Variants in PMPCB observed in about 807,000 individuals in gnomAD.
PMPCB encodes the protein mitochondrial-processing peptidase subunit beta.
A neutral mutation model predicts 61.5 loss-of-function variants in PMPCB; 46 were observed. The observed-to-expected ratio is 0.75, with a 90% confidence interval of 0.59 to 0.96. The LOEUF (loss-of-function observed/expected upper bound fraction) is 0.96, where lower values mean the gene tolerates loss of function less well. Among genes scored for constraint, PMPCB ranks in the 40% least tolerant of loss-of-function variants. PMPCB has a pLI of 0.00. For missense variants in PMPCB, 590 were observed against 602.4 expected (o/e 0.98, Z 0.22); for synonymous variants, 191 against 201.6 (o/e 0.95, Z 0.44).
the PMPCB span, chr7:103,341,625 ACTTAGTAATAAACAGATG>A: frequency 1.5e-6 from 1 of 653,536 alleles, no homozygotes; most frequent in Admixed American, 3.5e-5. Context: ...TGCTCTCAAG[ACTTAGTAATAAACAGATG>A]CTAAATCATA....
chr7:103,321,466 C>A (rs1818407744), intron 12 of PMPCB, among the ~76,000 whole-genome samples: 1 of 150,996 alleles, frequency 6.6e-6, no homozygotes, highest in South Asian at 2.1e-4. Context: ...TGCAGTGAGC[C>A]AAAATCGTGC....
chr7:103,326,721 T>C, intron 12 of PMPCB: 3 of 1,555,374 alleles, frequency 1.9e-6, no homozygotes, highest in Non-Finnish European at 2.6e-6. Flanking sequence ...TCACCATAAC[T>C]TTACCTATTT....
the PMPCB span, chr7:103,336,956 T>C: frequency 1.3e-5 from 2 of 152,394 alleles, no homozygotes; most frequent in African/African-American, 4.8e-5. Flanking sequence ...CCTCCACATA[T>C]AATACTTCCT....
At chr7:103,326,771 A>G in intron 12 of PMPCB, 3 of 1,311,944 alleles carry the variant, frequency 2.3e-6, no homozygotes, top group Non-Finnish European at 3.1e-6. Flanking sequence ...CTTAAAACAT[A>G]GAAGTCATTA....
At chr7:103,316,642 G>A (rs911024381), downstream of PMPCB, 1 of 594,416 alleles carries the variant, frequency 1.7e-6, no homozygotes, top group Non-Finnish European at 3.0e-6. Context: ...ATGTATATGT[G>A]CATGTGTACT....
At chr7:103,297,653 C>T in intron 1 of PMPCB, 95 bp downstream of exon 1, 2 of 1,565,082 alleles carry the variant, frequency 1.3e-6, no homozygotes, top group Admixed American at 1.9e-5. Context: ...AACAGTGGGT[C>T]GGGCAGGGCC....
chr7:103,316,004 C>G, downstream of PMPCB: 1 of 1,597,398 alleles, frequency 6.3e-7, no homozygotes, highest in East Asian at 2.2e-5. Flanking sequence ...TTTGGAGACT[C>G]TTTGCTTTGC....
intron 1 of PMPCB, 81 bp from the exon 2 acceptor site, chr7:103,298,487 G>C (rs954365793): frequency 6.7e-6 from 9 of 1,345,282 alleles, no homozygotes; most frequent in Non-Finnish European, 9.3e-6. Context: ...ATTTAAAATA[G>C]ATTTGGTTTT....
In PMPCB at chr7:103,314,513, G is replaced by A. The variant is rs1817936665; in HGVS notation, c.*2242G>A. On this transcript the variant is annotated 3_prime_UTR_variant, in exon 13 of 13. Transcript: ENST00000249269. Reference sequence around the variant, plus strand: ...ATCAGGGCCCACCTCCCTCCAACATGGAAACAAGTCCCCCTAAGAAAGAGC... The same window carrying A: ...ATCAGGGCCCACCTCCCTCCAACATAGAAACAAGTCCCCCTAAGAAAGAGC... The A allele has an allele frequency of 1.0e-6, 1 of 985,190 alleles. No homozygotes were observed. Among genetic ancestry groups the A allele is most frequent in the Non-Finnish European group, 1.2e-6 (1 of 829,910 alleles). The allele number at this position is 985,190 out of a possible 1,614,324, so 61.0% of individuals were successfully genotyped here. A position where few individuals can be genotyped will look rare whatever the true frequency, so the allele number is the denominator to read the frequency against.
chr7:103,300,317 T>C lies in PMPCB; in HGVS notation c.457+10T>C, dbSNP rs765353278. The C allele has an allele frequency of 2.5e-6, 4 of 1,581,628 alleles. No homozygotes were observed. Among genetic ancestry groups the C allele is most frequent in the Admixed American group, 1.8e-5 (1 of 54,852 alleles). On this transcript the variant is annotated intron_variant, in intron 4 of 12. Transcript: ENST00000249269. ...AAAGACTTGCCAAGAGGTACTGTTATTATTTATACAGCAGATAATGTAATT... is the reference window on the plus strand; with the variant it reads ...AAAGACTTGCCAAGAGGTACTGTTACTATTTATACAGCAGATAATGTAATT...
intron 7 of PMPCB, 133 bp downstream of exon 7, chr7:103,307,841 A>C: frequency 1.7e-6 from 1 of 594,508 alleles, no homozygotes; most frequent in South Asian, 2.1e-5. Flanking sequence ...GGATGTACTC[A>C]TTTGCTTACA....
At chr7:103,327,373 G>A in intron 12 of PMPCB, 2 of 1,251,168 alleles carry the variant, frequency 1.6e-6, no homozygotes, top group Non-Finnish European at 2.1e-6. Context: ...GAATCACCTG[G>A]GGATCCTGTT....
the PMPCB span, chr7:103,344,290 C>T: frequency 4.3e-5 from 23 of 532,256 alleles, no homozygotes; most frequent in Non-Finnish European, 7.0e-5. Context: ...GGTTCCGTCC[C>T]GAAATGCTCA....
chr7:103,305,692 C>T (rs1233325911), intron 6 of PMPCB, among the ~76,000 whole-genome samples: 1 of 152,164 alleles, frequency 6.6e-6, no homozygotes, highest in Non-Finnish European at 1.5e-5. Context: ...GAGCTAAGTA[C>T]CTGGCGGGTA....
downstream of PMPCB, chr7:103,316,206 T>C (rs1038785590): frequency 7.0e-5 from 38 of 540,712 alleles, no homozygotes; most frequent in South Asian, 9.1e-4. Context: ...TGAGCTCAGA[T>C]TGGTGGTCTA....
downstream of PMPCB, chr7:103,315,943 T>TAA: frequency 6.4e-7 from 1 of 1,551,568 alleles, no homozygotes; most frequent in Non-Finnish European, 8.8e-7. Context: ...TAAGTTATTT[T>TAA]AAAAATAGGT....
intron 12 of PMPCB, chr7:103,327,275 A>G: frequency 1.0e-6 from 1 of 973,392 alleles, no homozygotes; most frequent in Non-Finnish European, 1.4e-6. Context: ...CCCATAAAGC[A>G]TCTGAAACGA....
chr7:103,337,968 T>G, the PMPCB span, among the ~76,000 whole-genome samples: 3 of 152,224 alleles, frequency 2.0e-5, no homozygotes, highest in Admixed American at 2.0e-4. Flanking sequence ...TCAGGTAAGG[T>G]TGAGAAATGT....
At chr7:103,304,746 AG>A (rs1817534005) in intron 6 of PMPCB, among the ~76,000 whole-genome samples, 1 of 152,078 alleles carries the variant, frequency 6.6e-6, no homozygotes, top group African/African-American at 2.4e-5. Flanking sequence ...GCGGATCACG[AG>A]GTCAGGAGTT....
Sources: allele counts gnomAD v4.1 joint callset (sites outside exome capture counted in the v4.1 genomes callset), GRCh38; gene constraint gnomAD v4.1.1; transcripts MANE v1.5; gene names NCBI Gene and HGNC (gene_info 2026-07-23, HGNC 2026-07-21).